Variants in PLCB1 observed in about 807,000 individuals in gnomAD.
PLCB1 encodes the protein phospholipase C beta 1.
In PLCB1, 46 loss-of-function variants were observed where a neutral mutation model predicts 161.8. The ratio of observed to expected loss-of-function variants is 0.28; its 90% CI spans 0.22 to 0.36. PLCB1 has a LOEUF of 0.36. PLCB1 is among the 10% of genes least tolerant of loss of function. PLCB1 has a pLI of 1.00. For synonymous variants in PLCB1, 517 were observed against 503.7 expected (o/e 1.03, Z -0.35); for missense variants, 1,016 against 1,472.5 (o/e 0.69, Z 5.07).
chr20:8,606,220 A>G (rs1052155670), intron 3 of PLCB1, among the ~76,000 whole-genome samples: 12 of 152,196 alleles, frequency 7.9e-5, no homozygotes, highest in South Asian at 2.1e-4. Context: ...TTGAACATCA[A>G]TGTGATCTGT....
intron 31 of PLCB1, among the ~76,000 whole-genome samples, chr20:8,831,840 G>A (rs751796231): frequency 3.9e-5 from 6 of 152,160 alleles, no homozygotes; most frequent in Non-Finnish European, 7.4e-5. Flanking sequence ...AAATTTCACA[G>A]ATATTTCCCC....
Position 8,848,674 on chromosome 20 carries a change from A to T in PLCB1, c.3424-32948A>T, listed in dbSNP as rs373531312. Among the ~76,000 whole-genome samples, 7 of 152,304 alleles carry T rather than the reference A, an allele frequency of 4.6e-5. No homozygotes were observed. In the South Asian group the frequency reaches 8.3e-4, roughly 18 times the overall value. ...TGTGTACTAAGCTACTCACCTCATG[A>T]GGAGTGTGTGGATGAAGGAGGGCTG... On this transcript the variant is annotated intron_variant, in intron 31 of 31. Transcript: ENST00000338037.
At chr20:8,371,197 A>G in intron 2 of PLCB1, 185 bp from the exon 3 acceptor site, 1 of 541,564 alleles carries the variant, frequency 1.8e-6, no homozygotes, top group Non-Finnish European at 3.3e-6. Flanking sequence ...AGCAGTTAGC[A>G]GTTAGCTGTC....
chr20:8,376,425 A>G (rs1331904387), intron 3 of PLCB1, among the ~76,000 whole-genome samples: 1 of 152,214 alleles, frequency 6.6e-6, no homozygotes, highest in East Asian at 1.9e-4. Context: ...TAATCTCTAC[A>G]TAAACATGAT....
intron 2 of PLCB1, among the ~76,000 whole-genome samples, chr20:8,207,209 T>C (rs969617865): frequency 6.6e-6 from 1 of 152,194 alleles, no homozygotes; most frequent in Admixed American, 6.6e-5. Flanking sequence ...ACTCTAATTA[T>C]ATTGAAAATA....
rs531802659 is a variant in PLCB1 at position 8,570,336 on chromosome 20, G to T, written c.247-57958G>T. On this transcript the variant is annotated intron_variant, in intron 3 of 31. Coordinates refer to ENST00000338037, the MANE Select transcript of PLCB1 (RefSeq NM_015192.4). Reference sequence around the variant, plus strand: ...TCTAAGTCTGTGGCTTCCACCCAGTGAGGAAGGTAGAGAGTGGGTGAAGAG... The same window carrying T: ...TCTAAGTCTGTGGCTTCCACCCAGTTAGGAAGGTAGAGAGTGGGTGAAGAG... Among the ~76,000 whole-genome samples the T allele has an allele frequency of 2.0e-3, 303 of 152,272 alleles. 3 individuals are homozygous for T. Among genetic ancestry groups the T allele is most frequent in the African/African-American group, 7.1e-3 (297 of 41,542 alleles).
intron 3 of PLCB1, among the ~76,000 whole-genome samples, chr20:8,489,113 G>C (rs1022987409): frequency 2.0e-5 from 3 of 152,096 alleles, no homozygotes; most frequent in African/African-American, 7.2e-5. Flanking sequence ...AAAAGTATGT[G>C]CTAGGAGCTG....
rs767172522 is a variant in PLCB1 at position 8,765,366 on chromosome 20, C to A, written c.2930+8C>A. 6.3e-7 allele frequency: 1 copy of A among 1,586,556 alleles called. No individual in the cohort carries two copies. The highest frequency in any genetic ancestry group is 1.1e-5 in the South Asian group (1 of 87,768). ...AAAGGACAGTAAGAAAAAGTAAGTT[C>A]AATGAATATTTTTAGTTGGTTTCAT... On this transcript the variant is annotated splice_region_variant and intron_variant, in intron 26 of 31. Coordinates refer to ENST00000338037, the MANE Select transcript of PLCB1 (RefSeq NM_015192.4).
At chr20:8,180,632 T>C (rs1015048728) in intron 2 of PLCB1, among the ~76,000 whole-genome samples, 2 of 152,044 alleles carry the variant, frequency 1.3e-5, no homozygotes, top group South Asian at 4.1e-4. Context: ...GGGCATGTAA[T>C]ATACTTTCAG....
intron 7 of PLCB1, chr20:8,651,336 G>A: frequency 1.5e-6 from 1 of 669,548 alleles, no homozygotes; most frequent in South Asian, 1.6e-5. Context: ...TTTCAAAACA[G>A]CAAAGTTCAT....
At chr20:8,762,097 C>G (rs1568589040) in intron 25 of PLCB1, among the ~76,000 whole-genome samples, 1 of 152,040 alleles carries the variant, frequency 6.6e-6, no homozygotes, top group Non-Finnish European at 1.5e-5. Flanking sequence ...ATAATCCCAG[C>G]TACTCAGGAA....
At chr20:8,564,886 G>T (rs1986270141) in intron 3 of PLCB1, among the ~76,000 whole-genome samples, 1 of 152,206 alleles carries the variant, frequency 6.6e-6, no homozygotes, top group African/African-American at 2.4e-5. Context: ...TACACTGTTG[G>T]TGGGAGTGTA....
At chr20:8,838,000 G>A (rs1032209955) in intron 31 of PLCB1, among the ~76,000 whole-genome samples, 3 of 151,736 alleles carry the variant, frequency 2.0e-5, no homozygotes, top group East Asian at 1.9e-4. Flanking sequence ...TGGTGTTCCT[G>A]GAAAGTAAAA....
chr20:8,221,670 A>G (rs868574925), intron 2 of PLCB1, among the ~76,000 whole-genome samples: 4 of 152,158 alleles, frequency 2.6e-5, no homozygotes, highest in Non-Finnish European at 5.9e-5. Flanking sequence ...CCCATCAATA[A>G]ATAATTCTTC....
intron 4 of PLCB1, among the ~76,000 whole-genome samples, chr20:8,629,674 G>A (rs1010358156): frequency 6.6e-6 from 1 of 152,076 alleles, no homozygotes; most frequent in East Asian, 1.9e-4. Context: ...CACAACTACA[G>A]GGTCACTTCA....
chr20:8,757,264 G>T (rs1207462392), intron 24 of PLCB1, 86 bp downstream of exon 24: 1 of 1,376,352 alleles, frequency 7.3e-7, no homozygotes, highest in Non-Finnish European at 9.8e-7. Flanking sequence ...GATGTGGGTA[G>T]CTAAAGCATC....
intron 22 of PLCB1, 47 bp downstream of exon 22, chr20:8,740,495 G>C (rs201735474): frequency 9.5e-7 from 1 of 1,056,164 alleles, no homozygotes; most frequent in Non-Finnish European, 1.4e-6. Context: ...GGGTATTTCT[G>C]TCTGAGTCAC....
intron 3 of PLCB1, among the ~76,000 whole-genome samples, chr20:8,432,315 G>A (rs142909165): frequency 7.2e-5 from 11 of 152,160 alleles, no homozygotes; most frequent in African/African-American, 1.9e-4. Context: ...ACCAACTCCC[G>A]TGGCTCCATG....
intron 2 of PLCB1, among the ~76,000 whole-genome samples, chr20:8,266,463 A>T (rs1185107524): frequency 6.6e-6 from 1 of 152,218 alleles, no homozygotes; most frequent in Non-Finnish European, 1.5e-5. Flanking sequence ...ATGCTCAGGC[A>T]TCATTTCTTC....
Sources: allele counts gnomAD v4.1 joint callset (sites outside exome capture counted in the v4.1 genomes callset), GRCh38; gene constraint gnomAD v4.1.1; transcripts MANE v1.5; gene names NCBI Gene and HGNC (gene_info 2026-07-23, HGNC 2026-07-21).